Variants in HSDL1 observed in about 807,000 individuals in gnomAD.
HSDL1 encodes the protein hydroxysteroid dehydrogenase like 1.
In HSDL1, 29 loss-of-function variants were observed where a neutral mutation model predicts 31.5. That is an observed-to-expected ratio of 0.92 (90% CI 0.69 to 1.26). HSDL1 has a LOEUF of 1.26. Among genes scored for constraint, HSDL1 ranks in the 50% most tolerant of loss-of-function variants. HSDL1 has a pLI of 0.00. For missense variants in HSDL1, 503 were observed against 416.6 expected, an observed-to-expected ratio of 1.21 and a Z score of -1.81; for synonymous variants, 222 against 155.2, an observed-to-expected ratio of 1.43 and a Z score of -3.20.
intron 1 of HSDL1, among the ~76,000 whole-genome samples, chr16:84,142,356 A>G (rs558889249): frequency 6.8e-6 from 1 of 147,878 alleles, no homozygotes; most frequent in South Asian, 2.1e-4. Context: ...GAAATTTTAC[A>G]TTTTTGCTTT....
At chr16:84,138,060 A>C (rs1410249490) in intron 1 of HSDL1, among the ~76,000 whole-genome samples, 2 of 152,226 alleles carry the variant, frequency 1.3e-5, no homozygotes, top group East Asian at 3.8e-4. Context: ...TGAGGGCTCC[A>C]CCACCTTGAT....
chr16:84,127,913 G>C (rs1402100133), intron 5 of HSDL1, among the ~76,000 whole-genome samples: 2 of 151,046 alleles, frequency 1.3e-5, no homozygotes, highest in African/African-American at 4.8e-5. Flanking sequence ...TAGAGACGGG[G>C]TTTCACGGTG....
chr16:84,142,809 C>G (rs2086780990), intron 1 of HSDL1, among the ~76,000 whole-genome samples: 1 of 152,134 alleles, frequency 6.6e-6, no homozygotes, highest in Admixed American at 6.5e-5. Context: ...GAATCAAATA[C>G]TGCTTTGTGT....
Position 84,131,330 on chromosome 16 carries a change from G to A in HSDL1, c.-6-3C>T. On this transcript the variant is annotated splice_polypyrimidine_tract_variant and splice_region_variant and intron_variant, in intron 2 of 5. Transcript: ENST00000219439. The stretch of plus-strand genomic sequence containing the variant: ...CTGTCAACAGCAGCCATGGCAACCT[G>A]CAGGGAGAGGGAAAGAGAGAGAGCC... 1 of 1,596,536 alleles carries A rather than the reference G, an allele frequency of 6.3e-7. No homozygotes were observed. The highest frequency in any genetic ancestry group is 8.6e-7 in the Non-Finnish European group (1 of 1,164,462).
intron 2 of HSDL1, among the ~76,000 whole-genome samples, chr16:84,134,131 G>C (rs924543656): frequency 6.6e-6 from 1 of 151,992 alleles, no homozygotes; most frequent in African/African-American, 2.4e-5. Flanking sequence ...CTTCAGTGTA[G>C]CGAACGAGCA....
intron 5 of HSDL1, among the ~76,000 whole-genome samples, chr16:84,128,639 T>C (rs994642769): frequency 5.9e-5 from 9 of 152,196 alleles, no homozygotes; most frequent in African/African-American, 1.9e-4. Context: ...TACTAGAATC[T>C]TTTACTTTGA....
intron 2 of HSDL1, among the ~76,000 whole-genome samples, chr16:84,133,468 C>T (rs111573372): frequency 0.018 from 2,789 of 152,308 alleles, 81 homozygotes; most frequent in African/African-American, 0.064. Flanking sequence ...CAGCCGGGCG[C>T]GGTGGCTCAT....
At chr16:84,133,127 C>G (rs2086683574) in intron 2 of HSDL1, among the ~76,000 whole-genome samples, 1 of 151,698 alleles carries the variant, frequency 6.6e-6, no homozygotes, top group African/African-American at 2.4e-5. Context: ...AAAAAGGAAC[C>G]AAGCAGAAGA....
At chr16:84,132,704 T>C (rs1436873207) in intron 2 of HSDL1, among the ~76,000 whole-genome samples, 1 of 152,076 alleles carries the variant, frequency 6.6e-6, no homozygotes, top group Non-Finnish European at 1.5e-5. Flanking sequence ...CAATCAGAGA[T>C]AACCCTGCAG....
In HSDL1 at chr16:84,130,351, C is replaced by T. The variant is rs748798471; in HGVS notation, c.301G>A (p.Glu101Lys). The T allele has an allele frequency of 3.3e-5, 53 of 1,614,118 alleles. No individual in the cohort carries two copies. In the East Asian group the frequency reaches 7.1e-4, roughly 22 times the overall value. ...TTAGCAACAACCTGCAACTTCTCCT[C>T]GTTCCGACTAATCAGGATTATATTG... ...GLNIILISRN[E>K]EKLQVVAKDI... Residue 101 changes from glutamate (E) to lysine (K), a missense_variant, in exon 4 of 6, where the codon GAG (glutamate) becomes AAG (lysine). Glu to Lys is a moderately conservative substitution (Grantham distance 56). Transcript: ENST00000219439.
chr16:84,139,055 C>T (rs1200632704), intron 1 of HSDL1, among the ~76,000 whole-genome samples: 1 of 151,986 alleles, frequency 6.6e-6, no homozygotes, highest in Non-Finnish European at 1.5e-5. Context: ...TGACGTGGGG[C>T]GGGTGGTGAA....
chr16:84,131,824 C>T (rs1022529850), intron 2 of HSDL1, among the ~76,000 whole-genome samples: 4 of 152,220 alleles, frequency 2.6e-5, no homozygotes, highest in Admixed American at 6.5e-5. Flanking sequence ...GGACTACAGG[C>T]GCCCGCCACC....
chr16:84,143,633 A>G (rs2086793612), intron 1 of HSDL1, among the ~76,000 whole-genome samples: 1 of 151,992 alleles, frequency 6.6e-6, no homozygotes, highest in Non-Finnish European at 1.5e-5. Flanking sequence ...ATTTTTGAAA[A>G]CCTACTTTAA....
chr16:84,134,103 T>A (rs1341867735), intron 2 of HSDL1, among the ~76,000 whole-genome samples: 1 of 147,570 alleles, frequency 6.8e-6, no homozygotes, highest in Admixed American at 6.8e-5. Context: ...TGAAATATAT[T>A]CAAAGTTAGG....
chr16:84,129,865 G>A, intron 4 of HSDL1, 90 bp from the exon 5 acceptor site: 1 of 1,414,266 alleles, frequency 7.1e-7, no homozygotes, highest in Admixed American at 2.1e-5. Flanking sequence ...ATCAATTCAG[G>A]AAAAAATACA....
rs2086705242 is a variant in HSDL1 at position 84,135,609 on chromosome 16, TG to T, written c.-68-5del. 1 of 152,196 alleles carries T rather than the reference TG, an allele frequency of 6.6e-6. No individual in the cohort carries two copies. The highest frequency in any genetic ancestry group is 1.9e-4 in the East Asian group (1 of 5,194). The allele number at this position is 152,196 out of a possible 1,614,324, so 9.4% of individuals were successfully genotyped here. A position where few individuals can be genotyped will look rare whatever the true frequency, so the allele number is the denominator to read the frequency against. On this transcript the variant is annotated splice_region_variant and splice_polypyrimidine_tract_variant and intron_variant, in intron 1 of 5. Transcript: ENST00000219439. ...CCGTCCTTCTCTTAAGGCCAATCTG[TG>T]AATAAAACCAACAAGAAACAAATGC...
chr16:84,139,199 C>A (rs555235147), intron 1 of HSDL1: 2 of 152,338 alleles, frequency 1.3e-5, no homozygotes, highest in South Asian at 4.1e-4. Context: ...ACAGCCTAAT[C>A]CCCAGACCCT....
chr16:84,143,453 A>G (rs2086789831), intron 1 of HSDL1, among the ~76,000 whole-genome samples: 1 of 152,134 alleles, frequency 6.6e-6, no homozygotes. Flanking sequence ...AGGGGGAGAA[A>G]AGAGGTATGA....
chr16:84,142,013 C>T (rs773858967), intron 1 of HSDL1, among the ~76,000 whole-genome samples: 67 of 152,306 alleles, frequency 4.4e-4, no homozygotes, highest in Non-Finnish European at 7.9e-4. Context: ...CTGCAACCTC[C>T]GCCTTCCGGG....
Sources: allele counts gnomAD v4.1 joint callset (sites outside exome capture counted in the v4.1 genomes callset), GRCh38; gene constraint gnomAD v4.1.1; transcripts MANE v1.5; gene names NCBI Gene and HGNC (gene_info 2026-07-23, HGNC 2026-07-21).